Variants in MALRD1 observed in about 807,000 individuals in gnomAD.
MALRD1 encodes MAM and LDL-receptor class A domain-containing protein 1.
Under a neutral mutation model 242.1 loss-of-function variants are expected in MALRD1, and 247 were observed. That is an observed-to-expected ratio of 1.02 (90% CI 0.92 to 1.13). The LOEUF (loss-of-function observed/expected upper bound fraction) is 1.13. Ranked by LOEUF, MALRD1 falls within the 50% of genes most tolerant of loss-of-function variation. The pLI is 0.00. For missense variants in MALRD1, 2,989 were observed against 2,533.1 expected (o/e 1.18, Z -3.86); for synonymous variants, 995 against 866.6 (o/e 1.15, Z -2.60).
chr10:19,720,120 A>C (rs1193057277), intron 38 of MALRD1, among the ~76,000 whole-genome samples: 1 of 152,096 alleles, frequency 6.6e-6, no homozygotes, highest in Non-Finnish European at 1.5e-5. Context: ...CTTGGTGTTG[A>C]CTATAAATTA....
intron 11 of MALRD1, among the ~76,000 whole-genome samples, chr10:19,151,317 A>G (rs1354647082): frequency 6.6e-6 from 1 of 152,100 alleles, no homozygotes; most frequent in African/African-American, 2.4e-5. Context: ...TTACTTTTAA[A>G]GAACTTCTGA....
At chr10:19,175,748 T>C (rs1352819763) in intron 14 of MALRD1, among the ~76,000 whole-genome samples, 1 of 152,158 alleles carries the variant, frequency 6.6e-6, no homozygotes, top group Admixed American at 6.5e-5. Context: ...AGGTTGTGTT[T>C]GGGAAAATGA....
rs1432064622 is a variant in MALRD1 at position 19,279,522 on chromosome 10, A to G, written c.3080-525A>G. On this transcript the variant is annotated intron_variant, in intron 19 of 39. Coordinates refer to ENST00000454679, the MANE Select transcript of MALRD1 (RefSeq NM_001142308.3). ...ACATCTATAAATGTCTTCCATCCTC[A>G]GTAATTTCAGAAATTGTAATCTTGT... 2.6e-5 allele frequency among the ~76,000 whole-genome samples: 4 copies of G among 152,336 alleles called. No individual in the cohort carries two copies. The East Asian group carries it at 5.8e-4, about 22-fold the overall frequency.
At chr10:19,718,728 C>G (rs1057259855) in intron 38 of MALRD1, among the ~76,000 whole-genome samples, 1 of 152,128 alleles carries the variant, frequency 6.6e-6, no homozygotes, top group Non-Finnish European at 1.5e-5. Context: ...GTCATTTAAC[C>G]ATTCTCCTAT....
chr10:19,590,944 A>G (rs1214694455), intron 33 of MALRD1, among the ~76,000 whole-genome samples: 1 of 152,146 alleles, frequency 6.6e-6, no homozygotes, highest in Non-Finnish European at 1.5e-5. Flanking sequence ...CTTTGTGTTG[A>G]AAGTTCTGTG....
chr10:19,551,282 A>G (rs1272892289), intron 32 of MALRD1, among the ~76,000 whole-genome samples: 1 of 152,062 alleles, frequency 6.6e-6, no homozygotes, highest in Non-Finnish European at 1.5e-5. Context: ...CATATTTTTC[A>G]GCACTGTCTT....
rs373587642 is a variant in MALRD1, at chr10:19,087,819, CCT to C, written c.341-20_341-19del. 5.6e-5 allele frequency: 67 copies of C among 1,190,622 alleles called. No individual in the cohort carries two copies. The African/African-American group carries it at 1.0e-3, about 18-fold the overall frequency. 73.8% of individuals were successfully genotyped at this position (1,190,622 alleles called of 1,614,324 possible). ...CATTCTTTCTGGTTTTTTTTTGTAC[CCT>C]GTCTCTTCTTTCTGATAGCTCACTT... On this transcript the variant is annotated intron_variant, in intron 2 of 39. Transcript: ENST00000454679.
intron 28 of MALRD1, among the ~76,000 whole-genome samples, chr10:19,412,132 C>G (rs867481730): frequency 6.6e-6 from 1 of 152,094 alleles, no homozygotes; most frequent in Admixed American, 6.5e-5. Flanking sequence ...AACCCTGTCT[C>G]TACTAAAAAT....
In MALRD1 at chr10:19,466,068, TG is replaced by T. The variant is rs1406518603; in HGVS notation, c.5029+15582del. 2.0e-5 allele frequency among the ~76,000 whole-genome samples: 3 copies of T among 152,198 alleles called. No individual in the cohort carries two copies. In the East Asian group the frequency reaches 5.8e-4, roughly 29 times the overall value. On this transcript the variant is annotated intron_variant, in intron 29 of 39. Coordinates refer to ENST00000454679, the MANE Select transcript of MALRD1 (RefSeq NM_001142308.3). ...TTTAATTTACATCTATGATTAATAATGGGGTTGAATGTTTTTTAAAGATTCA... is the reference window on the plus strand; with the variant it reads ...TTTAATTTACATCTATGATTAATAATGGGTTGAATGTTTTTTAAAGATTCA...
Position 19,233,997 on chromosome 10 carries a change from A to G in MALRD1, c.2992-23687A>G, listed in dbSNP as rs574343866. Among the ~76,000 whole-genome samples, 6 of 152,196 alleles carry G rather than the reference A, an allele frequency of 3.9e-5. No individual in the cohort carries two copies. The South Asian group carries it at 1.2e-3, about 32-fold the overall frequency. On this transcript the variant is annotated intron_variant, in intron 18 of 39. Coordinates refer to ENST00000454679, the MANE Select transcript of MALRD1 (RefSeq NM_001142308.3). ...TGCTGAATTTGATAATTGGTGCTGT[A>G]TATGAAAAGCAAATGTAATTTCCCA...
intron 7 of MALRD1, among the ~76,000 whole-genome samples, chr10:19,127,069 C>T (rs1048412948): frequency 1.4e-4 from 21 of 152,124 alleles, no homozygotes; most frequent in African/African-American, 5.1e-4. Context: ...CATCCATGCT[C>T]CTGCAAAGGA....
chr10:19,592,743 A>G (rs1215553707), intron 33 of MALRD1, among the ~76,000 whole-genome samples: 1 of 115,202 alleles, frequency 8.7e-6, no homozygotes, highest in East Asian at 2.4e-4. Flanking sequence ...ACACACACAC[A>G]CACACACACA....
In MALRD1 at chr10:19,206,627, G is replaced by A. The variant is rs551546323; in HGVS notation, c.2578+1362G>A. Among the ~76,000 whole-genome samples, 154 of 152,154 alleles carry A rather than the reference G, an allele frequency of 1.0e-3. 3 individuals carry two copies. Among genetic ancestry groups the A allele is most frequent in the African/African-American group, 3.6e-3 (150 of 41,508 alleles). On this transcript the variant is annotated intron_variant, in intron 17 of 39. Coordinates refer to ENST00000454679, the MANE Select transcript of MALRD1 (RefSeq NM_001142308.3). ...GATTATGGATTAGTGAAAGAATGTC[G>A]GTTTCTCACACGGCTTTCCATCAAG...
At chr10:19,640,396 T>A (rs1840329214) in intron 36 of MALRD1, among the ~76,000 whole-genome samples, 1 of 152,194 alleles carries the variant, frequency 6.6e-6, no homozygotes. Flanking sequence ...GACTTCATTG[T>A]CTTCTACTCA....
chr10:19,617,611 AG>A (rs1189921340), intron 36 of MALRD1, among the ~76,000 whole-genome samples: 22 of 152,154 alleles, frequency 1.4e-4, no homozygotes, highest in Admixed American at 9.2e-4. Flanking sequence ...TAAAATATAC[AG>A]TAGTATATCA....
intron 21 of MALRD1, chr10:19,290,135 A>G (rs1320012528): frequency 2.6e-5 from 4 of 152,232 alleles, no homozygotes; most frequent in African/African-American, 9.6e-5. Flanking sequence ...TTACCATGAA[A>G]ATGACATGAC....
At chr10:19,686,392 G>A (rs568301179) in intron 36 of MALRD1, among the ~76,000 whole-genome samples, 178 of 152,216 alleles carry the variant, frequency 1.2e-3, no homozygotes, top group African/African-American at 3.6e-3. Context: ...GCAGTTGTGC[G>A]CATGCTCACT....
At chr10:19,239,269 A>C (rs1203116274) in intron 18 of MALRD1, among the ~76,000 whole-genome samples, 1 of 152,112 alleles carries the variant, frequency 6.6e-6, no homozygotes, top group Admixed American at 6.6e-5. Flanking sequence ...CATATTGGTC[A>C]GGCTGTTCTC....
chr10:19,541,019 T>C (rs1448208473), intron 32 of MALRD1, among the ~76,000 whole-genome samples: 1 of 152,198 alleles, frequency 6.6e-6, no homozygotes, highest in Non-Finnish European at 1.5e-5. Flanking sequence ...GTATAACATA[T>C]GCTTAAGGCA....
Sources: allele counts gnomAD v4.1 joint callset (sites outside exome capture counted in the v4.1 genomes callset), GRCh38; gene constraint gnomAD v4.1.1; transcripts MANE v1.5; gene names NCBI Gene and HGNC (gene_info 2026-07-23, HGNC 2026-07-21).